The following RSU1 variants were observed in gnomAD, a reference collection of about 807,000 sequenced individuals.
The protein encoded by RSU1 is rsu-1.
Under a neutral mutation model 31.1 loss-of-function variants are expected in RSU1, and 26 were observed. That is an observed-to-expected ratio of 0.84 (90% CI 0.61 to 1.16). The LOEUF (loss-of-function observed/expected upper bound fraction) is 1.16, where lower values mean the gene tolerates loss of function less well. RSU1 is among the 50% of genes most tolerant of loss of function. The pLI, the probability that RSU1 is intolerant of heterozygous loss-of-function variation, is 0.00. For missense variants in RSU1, 320 were observed against 339.1 expected (o/e 0.94, Z 0.44); for synonymous variants, 164 against 136.3 (o/e 1.20, Z -1.41).
rs1833492846 is a variant in RSU1, at chr10:16,590,829, C to T, written c.*2565G>A. ...AGCTTCCTTTTGACACAGCTGGGACCATCCTTATATAGTTAGTTTTAAAAA... is the reference window on the plus strand; with the variant it reads ...AGCTTCCTTTTGACACAGCTGGGACTATCCTTATATAGTTAGTTTTAAAAA... On this transcript the variant is annotated 3_prime_UTR_variant, in exon 9 of 9. Coordinates refer to ENST00000345264, the MANE Select transcript of RSU1 (RefSeq NM_012425.4). 1 of 152,110 alleles carries T rather than the reference C, an allele frequency of 6.6e-6. No individual in the cohort carries two copies. Among genetic ancestry groups the T allele is most frequent in the African/African-American group, 2.4e-5 (1 of 41,412 alleles). 9.4% of individuals were successfully genotyped at this position (152,110 alleles called of 1,614,324 possible). A position where few individuals can be genotyped will look rare whatever the true frequency, so the allele number is the denominator to read the frequency against.
chr10:16,679,531 A>C (rs557827234), intron 8 of RSU1, among the ~76,000 whole-genome samples: 1 of 152,338 alleles, frequency 6.6e-6, no homozygotes, highest in East Asian at 1.9e-4. Flanking sequence ...ACCTTCCAAG[A>C]AAAGATCTCT....
chr10:16,702,692 A>AT (rs1835817216), intron 7 of RSU1, among the ~76,000 whole-genome samples: 1 of 152,220 alleles, frequency 6.6e-6, no homozygotes, highest in Admixed American at 6.5e-5. Flanking sequence ...TAACAAACTT[A>AT]TTTTTTATTT....
chr10:16,740,800 A>G (rs1321287710), intron 7 of RSU1, among the ~76,000 whole-genome samples: 1 of 152,214 alleles, frequency 6.6e-6, no homozygotes, highest in Non-Finnish European at 1.5e-5. Flanking sequence ...TTACTGAAAG[A>G]AATCGAAGAT....
At chr10:16,664,525 A>C (rs1834951857) in intron 8 of RSU1, among the ~76,000 whole-genome samples, 3 of 152,316 alleles carry the variant, frequency 2.0e-5, no homozygotes, top group Admixed American at 2.0e-4. Context: ...CTTGCTAATA[A>C]ATGAGTGTTT....
At chr10:16,782,896 ATG>A (rs199633071) in intron 2 of RSU1, among the ~76,000 whole-genome samples, 1,764 of 142,112 alleles carry the variant, frequency 0.012, 60 homozygotes, top group East Asian at 0.082. Context: ...GTGTGTGTGT[ATG>A]TGTAAATTTT....
chr10:16,635,619 T>A (rs1834332374), intron 8 of RSU1, among the ~76,000 whole-genome samples: 1 of 152,186 alleles, frequency 6.6e-6, no homozygotes, highest in Non-Finnish European at 1.5e-5. Flanking sequence ...ACTGGTCCTA[T>A]CTCCTACCTC....
intron 3 of RSU1, among the ~76,000 whole-genome samples, chr10:16,767,736 A>C (rs1564350456): frequency 6.6e-6 from 1 of 152,250 alleles, no homozygotes; most frequent in Non-Finnish European, 1.5e-5. Context: ...TACTTTGCAC[A>C]CACAGCATCT....
At chr10:16,627,369 C>A (rs1834176656) in intron 8 of RSU1, among the ~76,000 whole-genome samples, 1 of 152,130 alleles carries the variant, frequency 6.6e-6, no homozygotes, top group South Asian at 2.1e-4. Flanking sequence ...GCTACAAGAT[C>A]TATTTCAGCA....
chr10:16,808,500 AAAAAAAC>A (rs1269632142), intron 2 of RSU1, among the ~76,000 whole-genome samples: 15 of 150,950 alleles, frequency 9.9e-5, no homozygotes, highest in Non-Finnish European at 2.1e-4. Flanking sequence ...AAAAAAAAAA[AAAAAAAC>A]AAAGTGAACT....
At chr10:16,738,134 T>G (rs1456190601) in intron 7 of RSU1, among the ~76,000 whole-genome samples, 8 of 152,132 alleles carry the variant, frequency 5.3e-5, no homozygotes, top group Non-Finnish European at 1.0e-4. Context: ...GAAAAACTTC[T>G]AACTTGAAAT....
rs772386527 is a variant in RSU1 at position 16,695,092 on chromosome 10, G to A, written c.662C>T (p.Pro221Leu). 1 of 1,612,382 alleles carries A rather than the reference G, an allele frequency of 6.2e-7. No individual in the cohort carries two copies. The highest frequency in any genetic ancestry group is 1.1e-5 in the South Asian group (1 of 90,946). ...FKAENNPWVT[P>L]IADQFQLGVS... ...GCCAAGCTGGAACTGGTCTGCAATG[G>A]GGGTCACCCAGGGATTGTTCTCTGC... The change falls in exon 8 of 9, where the codon CCC becomes CTC. Residue 221 changes from proline (P) to leucine (L), a missense_variant. Physicochemically the swap from Pro to Leu is moderately conservative, Grantham distance 98. Transcript: ENST00000345264.
At chr10:16,686,237 C>T (rs1246324818) in intron 8 of RSU1, among the ~76,000 whole-genome samples, 3 of 152,106 alleles carry the variant, frequency 2.0e-5, no homozygotes, top group East Asian at 3.8e-4. Context: ...AGATTAGAAA[C>T]CACAAACAGT....
chr10:16,775,524 G>T (rs902272678), intron 3 of RSU1, among the ~76,000 whole-genome samples: 1 of 152,152 alleles, frequency 6.6e-6, no homozygotes, highest in African/African-American at 2.4e-5. Flanking sequence ...GAATGGGGGT[G>T]GGGGGTGGCC....
At chr10:16,815,032 C>A (rs1026165131) in intron 2 of RSU1, among the ~76,000 whole-genome samples, 3 of 152,266 alleles carry the variant, frequency 2.0e-5, no homozygotes, top group Non-Finnish European at 2.9e-5. Context: ...GGCCATGGGG[C>A]CAAGGTTCCC....
At chr10:16,697,600 G>C (rs1322744378) in intron 7 of RSU1, among the ~76,000 whole-genome samples, 1 of 151,514 alleles carries the variant, frequency 6.6e-6, no homozygotes, top group African/African-American at 2.4e-5. Flanking sequence ...GGAGGCGGAG[G>C]TTGCAGTGAG....
chr10:16,752,081 T>C (rs1385224219), intron 7 of RSU1, among the ~76,000 whole-genome samples: 2 of 152,294 alleles, frequency 1.3e-5, no homozygotes, highest in East Asian at 3.9e-4. Context: ...TATCAACATG[T>C]TCAAGTAGCC....
intron 7 of RSU1, among the ~76,000 whole-genome samples, chr10:16,720,613 T>A (rs2131589434): frequency 6.6e-6 from 1 of 152,354 alleles, no homozygotes. Context: ...ATAAGTATCC[T>A]ACACAGAATA....
chr10:16,688,170 A>G (rs941693547), intron 8 of RSU1, among the ~76,000 whole-genome samples: 3 of 152,174 alleles, frequency 2.0e-5, no homozygotes, highest in African/African-American at 4.8e-5. Flanking sequence ...CCCCAAATAT[A>G]TTATATGGGT....
At chr10:16,593,619 A>C (rs1030344445) in intron 8 of RSU1, 123 bp from the exon 9 acceptor site, 4 of 758,754 alleles carry the variant, frequency 5.3e-6, no homozygotes, top group Admixed American at 4.6e-5. Flanking sequence ...GAAAACCAAA[A>C]GATCACTTCT....
Sources: gnomAD v4.1 joint callset for allele counts (sites outside exome capture counted in the v4.1 genomes callset) on GRCh38, gnomAD v4.1.1 for gene constraint, MANE v1.5 for transcripts, NCBI Gene and HGNC (gene_info 2026-07-23, HGNC 2026-07-21) for gene names.